The following NRXN1 variants were observed in gnomAD, a reference collection of about 807,000 sequenced individuals.
The protein encoded by NRXN1 is neurexin 1.
A neutral mutation model predicts 150.9 loss-of-function variants in NRXN1; 39 were observed. The ratio of observed to expected loss-of-function variants is 0.26; its 90% CI spans 0.20 to 0.34. The LOEUF (loss-of-function observed/expected upper bound fraction) is 0.34. Ranked by LOEUF, NRXN1 falls within the 10% of genes least tolerant of loss-of-function variation. NRXN1 has a pLI of 1.00. For synonymous variants in NRXN1, 924 were observed against 757.0 expected (o/e 1.22, Z -3.62); for missense variants, 1,815 against 1,949.9 (o/e 0.93, Z 1.30).
At chr2:50,747,025 T>C (rs938647510) in intron 5 of NRXN1, among the ~76,000 whole-genome samples, 20 of 152,126 alleles carry the variant, frequency 1.3e-4, no homozygotes, top group African/African-American at 4.1e-4. Flanking sequence ...AAGAAGTATA[T>C]TTAAATGCAA....
Position 50,670,981 on chromosome 2 carries a change from T to C in NRXN1, c.833-47366A>G, listed in dbSNP as rs1046687547. ...ATCACTTTAGAGTTAATAAATACCA[T>C]TGGAAAGACACTTTAAGATTATGTA... On this transcript the variant is annotated intron_variant, in intron 5 of 22. Coordinates refer to ENST00000401669, the MANE Select transcript of NRXN1 (RefSeq NM_001330078.2). 3.3e-5 allele frequency among the ~76,000 whole-genome samples: 5 copies of C among 151,896 alleles called. No individual in the cohort carries two copies. The East Asian group carries it at 5.8e-4, about 18-fold the overall frequency.
chr2:50,474,418 AT>A (rs913020580), intron 15 of NRXN1, among the ~76,000 whole-genome samples: 20 of 151,838 alleles, frequency 1.3e-4, no homozygotes, highest in African/African-American at 4.6e-4. Context: ...AAGTACAGTC[AT>A]TGGCAAATGT....
intron 21 of NRXN1, among the ~76,000 whole-genome samples, chr2:49,970,874 GAA>G (rs1677832413): frequency 6.6e-6 from 1 of 151,926 alleles, no homozygotes; most frequent in Non-Finnish European, 1.5e-5. Context: ...AGCAACAGAG[GAA>G]TAAAACACTG....
In NRXN1 at chr2:50,717,819, A is replaced by G. The variant is rs376902980; in HGVS notation, c.833-94204T>C. The stretch of plus-strand genomic sequence containing the variant: ...TTGCATGGCAGCAGTGACAAGGGAG[A>G]CCTCTGGGGTCTCTTTTGTAAGAGA... On this transcript the variant is annotated intron_variant, in intron 5 of 22. Transcript: ENST00000401669. 5.9e-5 allele frequency among the ~76,000 whole-genome samples: 9 copies of G among 151,942 alleles called. No individual in the cohort carries two copies. In the East Asian group the frequency reaches 1.2e-3, roughly 20 times the overall value.
At chr2:51,031,857 C>G (rs933709299) in intron 1 of NRXN1, 124 bp downstream of exon 1, 8 of 152,212 alleles carry the variant, frequency 5.3e-5, no homozygotes, top group African/African-American at 1.9e-4. Context: ...CCTCCACCCT[C>G]CCACCACCCA....
intron 5 of NRXN1, among the ~76,000 whole-genome samples, chr2:50,869,502 G>C (rs765273071): frequency 6.6e-6 from 1 of 151,440 alleles, no homozygotes; most frequent in Non-Finnish European, 1.5e-5. Flanking sequence ...TCTGAGGAGA[G>C]AGAATGGAAA....
intron 5 of NRXN1, among the ~76,000 whole-genome samples, chr2:50,908,730 C>T (rs1232422726): frequency 6.6e-6 from 1 of 151,984 alleles, no homozygotes; most frequent in African/African-American, 2.4e-5. Context: ...CAAATTAATA[C>T]GCTGACTGGA....
Position 50,053,588 on chromosome 2 carries a change from GC to G in NRXN1, c.3810del (p.Arg1271ValfsTer12). 1 of 1,613,770 alleles carries G rather than the reference GC, an allele frequency of 6.2e-7. No individual in the cohort carries two copies. Reference protein sequence around the residue: ...RVVDEWLLDKGRQLTIFNSQA... With the variant: ...RVVDEWLLDKXRQLTIFNSQA... ...TGGCTATTGAAGATTGTGAGCTGAC[GC>G]CCTGTAAAAATAATATTACATACAT... On this transcript the variant is annotated frameshift_variant and splice_region_variant, in exon 21 of 23. Transcript: ENST00000401669. LOFTEE classifies it high-confidence loss of function.
chr2:50,305,856 C>T (rs922781321), intron 17 of NRXN1, among the ~76,000 whole-genome samples: 1 of 152,186 alleles, frequency 6.6e-6, no homozygotes. Flanking sequence ...CCCTTCTTTT[C>T]CCTGCCAATT....
chr2:49,936,823 C>CACAA (rs1213602850), intron 22 of NRXN1, among the ~76,000 whole-genome samples: 2 of 151,606 alleles, frequency 1.3e-5, no homozygotes, highest in Non-Finnish European at 2.9e-5. Flanking sequence ...TATGTACACA[C>CACAA]ACACACACAC....
chr2:49,944,944 A>G (rs563248594), intron 21 of NRXN1, among the ~76,000 whole-genome samples: 3 of 152,350 alleles, frequency 2.0e-5, no homozygotes, highest in African/African-American at 4.8e-5. Context: ...AGATTAAAGT[A>G]TAACTAAATT....
intron 5 of NRXN1, among the ~76,000 whole-genome samples, chr2:50,699,894 C>A (rs1380064355): frequency 2.0e-5 from 3 of 152,144 alleles, no homozygotes; most frequent in Non-Finnish European, 2.9e-5. Context: ...ATGTTCAATT[C>A]CAATAGCCCT....
chr2:50,504,193 G>A (rs1370373529), intron 13 of NRXN1, among the ~76,000 whole-genome samples: 3 of 150,316 alleles, frequency 2.0e-5, no homozygotes, highest in African/African-American at 7.3e-5. Context: ...CTGTGCTGGA[G>A]GGGAAAAATG....
intron 5 of NRXN1, among the ~76,000 whole-genome samples, chr2:50,831,815 C>G (rs1671443605): frequency 6.6e-6 from 1 of 152,164 alleles, no homozygotes; most frequent in Admixed American, 6.5e-5. Flanking sequence ...GCTTTCTAAA[C>G]TAGATTGTAC....
At chr2:50,075,816 C>A (rs190840459) in intron 19 of NRXN1, among the ~76,000 whole-genome samples, 1 of 151,670 alleles carries the variant, frequency 6.6e-6, no homozygotes, top group Non-Finnish European at 1.5e-5. Context: ...AACAGCTCTA[C>A]TTTCAGGAAA....
intron 17 of NRXN1, among the ~76,000 whole-genome samples, chr2:50,427,927 G>GA (rs1410010524): frequency 1.3e-5 from 2 of 152,148 alleles, no homozygotes; most frequent in East Asian, 3.9e-4. Context: ...GATCAAGTCT[G>GA]AAAAATGGAT....
intron 21 of NRXN1, chr2:50,023,545 A>G (rs1370881403): frequency 6.6e-6 from 1 of 152,180 alleles, no homozygotes; most frequent in Admixed American, 6.5e-5. Flanking sequence ...TACTTTGAAT[A>G]AAAGGTTAAT....
At chr2:50,666,292 A>G (rs1469849737) in intron 5 of NRXN1, among the ~76,000 whole-genome samples, 1 of 151,956 alleles carries the variant, frequency 6.6e-6, no homozygotes, top group African/African-American at 2.4e-5. Flanking sequence ...AGTCTATGCA[A>G]GTTCTGGTGG....
intron 17 of NRXN1, among the ~76,000 whole-genome samples, chr2:50,412,933 C>A (rs1455404183): frequency 6.6e-6 from 1 of 152,064 alleles, no homozygotes. Context: ...AAAATCAAAC[C>A]AAAATGGATT....
Sources: allele counts gnomAD v4.1 joint callset (sites outside exome capture counted in the v4.1 genomes callset), GRCh38; gene constraint gnomAD v4.1.1; transcripts MANE v1.5; gene names NCBI Gene and HGNC (gene_info 2026-07-23, HGNC 2026-07-21).